The following WWOX variants were observed in gnomAD, a reference collection of about 807,000 sequenced individuals.
WWOX encodes the protein WW domain-containing oxidoreductase.
Under a neutral mutation model 46.2 loss-of-function variants are expected in WWOX, and 69 were observed. The ratio of observed to expected loss-of-function variants is 1.49; its 90% CI spans 1.23 to 1.82. WWOX has a LOEUF of 1.82. Ranked by LOEUF, WWOX falls within the 40% of genes most tolerant of loss-of-function variation. The probability of loss-of-function intolerance (pLI) is 0.00; values close to 1 mark genes in which losing one functional copy is unlikely to be tolerated. For synonymous variants in WWOX, 359 were observed against 202.6 expected (o/e 1.77, Z -6.56); for missense variants, 919 against 542.6 (o/e 1.69, Z -6.89).
chr16:78,985,030 G>T (rs944947130), intron 8 of WWOX, among the ~76,000 whole-genome samples: 1 of 152,126 alleles, frequency 6.6e-6, no homozygotes, highest in African/African-American at 2.4e-5. Flanking sequence ...GTGTTGCTGA[G>T]TCCCTTGCCC....
intron 8 of WWOX, chr16:78,550,646 G>C (rs1401533428): frequency 1.3e-5 from 2 of 152,176 alleles, no homozygotes; most frequent in Non-Finnish European, 2.9e-5. Flanking sequence ...TGCTTTGGGA[G>C]TTCTTGTTAA....
chr16:78,786,690 G>A (rs892732354), intron 8 of WWOX, among the ~76,000 whole-genome samples: 1 of 152,098 alleles, frequency 6.6e-6, no homozygotes, highest in African/African-American at 2.4e-5. Flanking sequence ...GTAACTCTGT[G>A]CCCATAGTTG....
chr16:78,423,824 T>A (rs1001175270), intron 6 of WWOX, among the ~76,000 whole-genome samples: 2 of 147,112 alleles, frequency 1.4e-5, no homozygotes, highest in African/African-American at 5.0e-5. Flanking sequence ...CCAGCCTGGA[T>A]GACAGAGAAA....
intron 8 of WWOX, among the ~76,000 whole-genome samples, chr16:78,547,312 C>G (rs1304503323): frequency 1.3e-5 from 2 of 151,918 alleles, no homozygotes; most frequent in South Asian, 2.1e-4. Flanking sequence ...AGAGGGGGCA[C>G]TATTAGTATC....
chr16:78,821,353 C>A (rs139270818), intron 8 of WWOX, among the ~76,000 whole-genome samples: 1 of 152,286 alleles, frequency 6.6e-6, no homozygotes, highest in Non-Finnish European at 1.5e-5. Flanking sequence ...CCAGCCCCCA[C>A]CCCACAACAG....
At chr16:78,582,447 T>G (rs575214797) in intron 8 of WWOX, among the ~76,000 whole-genome samples, 3 of 152,360 alleles carry the variant, frequency 2.0e-5, no homozygotes, top group Admixed American at 6.5e-5. Flanking sequence ...AAAATTATAT[T>G]TTTTATATGA....
intron 8 of WWOX, among the ~76,000 whole-genome samples, chr16:78,876,682 C>G (rs1182438163): frequency 1.3e-5 from 2 of 152,152 alleles, no homozygotes; most frequent in Non-Finnish European, 2.9e-5. Flanking sequence ...TTGCCATTCT[C>G]AGAACAGCCC....
Position 78,709,927 on chromosome 16 carries a change from C to T in WWOX, c.1056+277175C>T, listed in dbSNP as rs538142766. Among the ~76,000 whole-genome samples the T allele has an allele frequency of 3.9e-5, 6 of 152,172 alleles. No individual in the cohort carries two copies. The South Asian group carries it at 1.0e-3, about 26-fold the overall frequency. On this transcript the variant is annotated intron_variant, in intron 8 of 8. Coordinates refer to ENST00000566780, the MANE Select transcript of WWOX (RefSeq NM_016373.4). ...TGTATTTTTGGTAGAGATGGGGTTT[C>T]ACCATGTTGCCCAGGATGGTCTTGA...
At chr16:79,050,579 G>C (rs760191298) in intron 8 of WWOX, among the ~76,000 whole-genome samples, 1 of 152,230 alleles carries the variant, frequency 6.6e-6, no homozygotes, top group Non-Finnish European at 1.5e-5. Flanking sequence ...CATGGATCCA[G>C]AGAGGAGGGT....
At chr16:78,400,586 G>A (rs2082389298) in intron 6 of WWOX, among the ~76,000 whole-genome samples, 1 of 152,128 alleles carries the variant, frequency 6.6e-6, no homozygotes, top group South Asian at 2.1e-4. Flanking sequence ...CTTGGCCCAT[G>A]AATCCAGCTT....
chr16:78,786,623 T>C (rs1348504051), intron 8 of WWOX, among the ~76,000 whole-genome samples: 1 of 152,226 alleles, frequency 6.6e-6, no homozygotes, highest in African/African-American at 2.4e-5. Context: ...TATATTCGCA[T>C]GGTTATGTAA....
Position 78,946,440 on chromosome 16 carries a change from G to A in WWOX, c.1057-265168G>A, listed in dbSNP as rs577893162. Reference sequence around the variant, plus strand: ...TCCTGACCTGAGTTGATCTGCTCACGTCGGCCTCCCAGAGTGCTAGGATTA... The same window carrying A: ...TCCTGACCTGAGTTGATCTGCTCACATCGGCCTCCCAGAGTGCTAGGATTA... On this transcript the variant is annotated intron_variant, in intron 8 of 8. Coordinates refer to ENST00000566780, the MANE Select transcript of WWOX (RefSeq NM_016373.4). Among the ~76,000 whole-genome samples, 8 of 152,064 alleles carry A rather than the reference G, an allele frequency of 5.3e-5. No homozygotes were observed. The East Asian group carries it at 7.7e-4, about 15-fold the overall frequency.
chr16:78,829,450 C>A (rs1288341547), intron 8 of WWOX, among the ~76,000 whole-genome samples: 3 of 152,188 alleles, frequency 2.0e-5, no homozygotes, highest in African/African-American at 7.2e-5. Flanking sequence ...TCTACTGATT[C>A]AAAGGTTAGT....
At chr16:78,363,033 G>A (rs1003409758) in intron 5 of WWOX, among the ~76,000 whole-genome samples, 1 of 152,144 alleles carries the variant, frequency 6.6e-6, no homozygotes, top group Non-Finnish European at 1.5e-5. Flanking sequence ...CTTTCCTTCT[G>A]CTCCCTAATG....
intron 8 of WWOX, among the ~76,000 whole-genome samples, chr16:78,618,828 C>G (rs934461271): frequency 3.3e-5 from 5 of 151,726 alleles, no homozygotes; most frequent in African/African-American, 9.7e-5. Flanking sequence ...TGGTCAGTGA[C>G]CAATCACTCA....
Position 78,686,941 on chromosome 16 carries a change from G to T in WWOX, c.1056+254189G>T, listed in dbSNP as rs572865108. Among the ~76,000 whole-genome samples, 19 of 152,340 alleles carry T rather than the reference G, an allele frequency of 1.2e-4. No homozygotes were observed. The South Asian group carries it at 3.3e-3, about 27-fold the overall frequency. ...AATAAACAGTTTCCATATCCAAGCA[G>T]CTAAGGCTTGTGCCTTGCAAGTTAA... On this transcript the variant is annotated intron_variant, in intron 8 of 8. Coordinates refer to ENST00000566780, the MANE Select transcript of WWOX (RefSeq NM_016373.4).
chr16:78,514,431 A>G (rs1215577409), intron 8 of WWOX, among the ~76,000 whole-genome samples: 1 of 152,184 alleles, frequency 6.6e-6, no homozygotes, highest in Non-Finnish European at 1.5e-5. Context: ...GACAAAGGAT[A>G]GATACATTTT....
rs1370952618 is a variant in WWOX, at chr16:78,340,609, GGCCAGTTAACT to G, written c.517-46249_517-46239del. Among the ~76,000 whole-genome samples the G allele has an allele frequency of 1.7e-5, 2 of 120,720 alleles. 1 individual carries two copies. The highest frequency in any genetic ancestry group is 4.0e-5 in the Non-Finnish European group (2 of 50,512). The allele number at this position is 120,720 out of a possible 152,430, so 79.2% of individuals were successfully genotyped here. Reference sequence around the variant, plus strand: ...CTGCCAACTCTTAGCACATGGCCACGGCCAGTTAACTGTGGACTCCTCTGAAGGATGATCTG... The same window carrying G: ...CTGCCAACTCTTAGCACATGGCCACGGTGGACTCCTCTGAAGGATGATCTG... On this transcript the variant is annotated intron_variant, in intron 5 of 8. Transcript: ENST00000566780.
chr16:78,430,067 T>C (rs894167522), intron 7 of WWOX, among the ~76,000 whole-genome samples: 2 of 152,176 alleles, frequency 1.3e-5, no homozygotes, highest in African/African-American at 2.4e-5. Context: ...ACAGGTTTAA[T>C]GGGCTCACAG....
Sources: gnomAD v4.1 joint callset for allele counts (sites outside exome capture counted in the v4.1 genomes callset) on GRCh38, gnomAD v4.1.1 for gene constraint, MANE v1.5 for transcripts, NCBI Gene and HGNC (gene_info 2026-07-23, HGNC 2026-07-21) for gene names.